Variants in GTF2IRD1 observed in about 807,000 individuals in gnomAD.
The protein encoded by GTF2IRD1 is GTF2I repeat domain containing 1, also known as general transcription factor II-I repeat domain-containing protein 1.
A neutral mutation model predicts 113.2 loss-of-function variants in GTF2IRD1; 26 were observed. The observed-to-expected ratio is 0.23, with a 90% CI of 0.17 to 0.32. The LOEUF (loss-of-function observed/expected upper bound fraction) is 0.32. Among genes scored for constraint, GTF2IRD1 ranks in the 10% least tolerant of loss-of-function variants. GTF2IRD1 has a pLI of 1.00. For missense variants in GTF2IRD1, 864 were observed against 1,280.8 expected, an observed-to-expected ratio of 0.67 and a Z score of 4.97; for synonymous variants, 484 against 529.1, an observed-to-expected ratio of 0.91 and a Z score of 1.17.
intron 22 of GTF2IRD1, among the ~76,000 whole-genome samples, chr7:74,589,013 A>G (rs587743940): frequency 1.3e-5 from 2 of 152,118 alleles, no homozygotes; most frequent in South Asian, 2.1e-4. Flanking sequence ...TCTTCTCTTT[A>G]GGTTGTTTTG....
intron 22 of GTF2IRD1, among the ~76,000 whole-genome samples, chr7:74,579,985 G>A (rs1801314617): frequency 6.6e-6 from 1 of 152,092 alleles, no homozygotes; most frequent in Non-Finnish European, 1.5e-5. Flanking sequence ...AGAACCACAG[G>A]CTCATGAGCA....
intron 22 of GTF2IRD1, among the ~76,000 whole-genome samples, chr7:74,565,535 A>G (rs1800246869): frequency 6.6e-6 from 1 of 152,146 alleles, no homozygotes. Flanking sequence ...AAAAAAAGAA[A>G]GAAAAAAGAA....
chr7:74,482,292 A>G (rs1405766680), intron 1 of GTF2IRD1, among the ~76,000 whole-genome samples: 2 of 145,634 alleles, frequency 1.4e-5, no homozygotes, highest in African/African-American at 5.2e-5. Flanking sequence ...CAGTGATGCA[A>G]TCTCGGCTCA....
intron 22 of GTF2IRD1, among the ~76,000 whole-genome samples, chr7:74,587,875 T>G (rs1187555948): frequency 6.6e-6 from 1 of 152,088 alleles, no homozygotes; most frequent in Admixed American, 6.5e-5. Context: ...CCGTGACGGT[T>G]ACCTGGGCAG....
At chr7:74,586,451 C>T (rs1801724017) in intron 22 of GTF2IRD1, among the ~76,000 whole-genome samples, 1 of 152,150 alleles carries the variant, frequency 6.6e-6, no homozygotes, top group African/African-American at 2.4e-5. Context: ...TCTGGAATGG[C>T]TGATGTTTGC....
At chr7:74,455,252 G>A (rs1474583187) in intron 1 of GTF2IRD1, among the ~76,000 whole-genome samples, 1 of 152,248 alleles carries the variant, frequency 6.6e-6, no homozygotes, top group Non-Finnish European at 1.5e-5. Context: ...GGGGTACCCC[G>A]GGATGGCCCT....
At chr7:74,514,297 C>G (rs940104102) in intron 3 of GTF2IRD1, among the ~76,000 whole-genome samples, 15 of 152,068 alleles carry the variant, frequency 9.9e-5, no homozygotes, top group South Asian at 4.1e-4. Flanking sequence ...CAGCCGCATC[C>G]CCAGCCAGCC....
At chr7:74,546,436 G>A (rs1798944408) in intron 16 of GTF2IRD1, among the ~76,000 whole-genome samples, 1 of 151,894 alleles carries the variant, frequency 6.6e-6, no homozygotes, top group Admixed American at 6.6e-5. Context: ...TGGCCAGGCT[G>A]GTCTTGAACT....
chr7:74,585,457 C>A (rs80271246), intron 22 of GTF2IRD1, among the ~76,000 whole-genome samples: 1,964 of 152,136 alleles, frequency 0.013, 43 homozygotes, highest in African/African-American at 0.045. Flanking sequence ...TTCTGTCCTG[C>A]AGGTTTCGTA....
intron 22 of GTF2IRD1, among the ~76,000 whole-genome samples, chr7:74,578,922 G>A (rs1487620994): frequency 6.6e-6 from 1 of 151,892 alleles, no homozygotes; most frequent in Non-Finnish European, 1.5e-5. Flanking sequence ...AGGAGGCAGA[G>A]GTTGCAGTGA....
intron 1 of GTF2IRD1, chr7:74,507,756 G>A (rs967387067): frequency 3.6e-6 from 1 of 276,162 alleles, no homozygotes; most frequent in Non-Finnish European, 6.9e-6. Flanking sequence ...GCGAGGGAGG[G>A]CTGTGGCCAG....
At chr7:74,566,197 T>C (rs1800306284) in intron 22 of GTF2IRD1, among the ~76,000 whole-genome samples, 1 of 152,208 alleles carries the variant, frequency 6.6e-6, no homozygotes, top group Non-Finnish European at 1.5e-5. Flanking sequence ...TCTATAAATT[T>C]ACACATTTAA....
intron 1 of GTF2IRD1, among the ~76,000 whole-genome samples, chr7:74,502,539 G>A (rs540655246): frequency 1.3e-5 from 2 of 152,196 alleles, no homozygotes; most frequent in Non-Finnish European, 2.9e-5. Context: ...CTGTCACCCT[G>A]GCCCCAGGGC....
intron 22 of GTF2IRD1, among the ~76,000 whole-genome samples, chr7:74,578,366 C>T (rs1308932255): frequency 6.6e-6 from 1 of 151,802 alleles, no homozygotes; most frequent in Non-Finnish European, 1.5e-5. Flanking sequence ...TTTGTAGAGA[C>T]GGGGTTTCAC....
In GTF2IRD1 at chr7:74,518,153, A is replaced by C. The variant is rs1554345066; in HGVS notation, c.436A>C (p.Arg146=). 6.3e-7 allele frequency: 1 copy of C among 1,586,512 alleles called. No homozygotes were observed. The highest frequency in any genetic ancestry group is 1.7e-5 in the Admixed American group (1 of 57,386). ...FDVLYSEALG[R]ASVVPLPYER... ...CTCCCCTACAGGCGAGGCCCTGGGA[A>C]GGGCCAGTGTGGTGCCACTGCCCTA... Residue 146 remains arginine, a synonymous_variant, in exon 5 of 27, where the codon AGG becomes CGG. Transcript: ENST00000424337.
chr7:74,515,669 GC>G, intron 4 of GTF2IRD1, 73 bp downstream of exon 4: 1 of 1,394,622 alleles, frequency 7.2e-7, no homozygotes, highest in Non-Finnish European at 9.7e-7. Context: ...AGCAGAGGGG[GC>G]CCCCTCCTGT....
In GTF2IRD1 at chr7:74,547,105, A is replaced by C. The variant is rs782742955; in HGVS notation, c.1735A>C (p.Lys579Gln). Residue 579 changes from lysine to glutamine, a missense_variant and splice_region_variant, in exon 17 of 27, where the codon AAG becomes CAG. This residue lies in a region of GTF2IRD1 where 218 missense variants were observed against 352.6 expected (regional missense o/e 0.62). Transcript: ENST00000424337. The stretch of plus-strand genomic sequence containing the variant: ...CTACAGCAGCCATGTCTCTGCAGCC[A>C]AGGCCATTGGCATCTCGGAGCCCGT... ...VELLFNTRYAKAIGISEPVKV... is the reference protein window; with the variant it reads ...VELLFNTRYAQAIGISEPVKV... 1.2e-6 allele frequency: 2 copies of C among 1,611,448 alleles called. No homozygotes were observed. Among genetic ancestry groups the C allele is most frequent in the Admixed American group, 3.3e-5 (2 of 59,904 alleles).
At chr7:74,463,166 C>A (rs1793488965) in intron 1 of GTF2IRD1, among the ~76,000 whole-genome samples, 1 of 152,130 alleles carries the variant, frequency 6.6e-6, no homozygotes, top group Non-Finnish European at 1.5e-5. Context: ...CAGGCAGGAG[C>A]AGGAGTTAGG....
intron 1 of GTF2IRD1, among the ~76,000 whole-genome samples, chr7:74,490,041 C>T (rs1562795644): frequency 1.3e-5 from 2 of 151,940 alleles, no homozygotes; most frequent in Admixed American, 1.3e-4. Context: ...AGTCATAGCT[C>T]ATTGCAGCCT....
Sources: allele counts gnomAD v4.1 joint callset (sites outside exome capture counted in the v4.1 genomes callset), GRCh38; gene constraint gnomAD v4.1.1; regional missense constraint gnomAD v4.1.1; transcripts MANE v1.5; gene names NCBI Gene and HGNC (gene_info 2026-07-23, HGNC 2026-07-21).